VWA8: variants seen among roughly 807,000 people sequenced by gnomAD.
VWA8 encodes von Willebrand factor A domain containing 8.
A neutral mutation model predicts 241.5 loss-of-function variants in VWA8; 221 were observed. The ratio of observed to expected loss-of-function variants is 0.91; its 90% CI spans 0.82 to 1.02. VWA8 has a LOEUF of 1.02. Ranked by LOEUF, VWA8 falls within the 50% of genes least tolerant of loss-of-function variation. VWA8 has a pLI of 0.00. For synonymous variants in VWA8, 852 were observed against 827.1 expected (o/e 1.03, Z -0.52); for missense variants, 2,322 against 2,328.7 (o/e 1.00, Z 0.06).
intron 12 of VWA8, among the ~76,000 whole-genome samples, chr13:41,839,636 T>G (rs563135166): frequency 1.5e-4 from 23 of 152,224 alleles, no homozygotes; most frequent in African/African-American, 5.1e-4. Context: ...CTAGCACCAT[T>G]TATTAAATAG....
intron 35 of VWA8, among the ~76,000 whole-genome samples, chr13:41,679,422 TA>T (rs1045714177): frequency 2.0e-5 from 3 of 152,212 alleles, no homozygotes; most frequent in African/African-American, 7.2e-5. Context: ...TGTTCACAGA[TA>T]AAAAGAGTGA....
intron 37 of VWA8, among the ~76,000 whole-genome samples, chr13:41,657,404 A>G (rs993843530): frequency 6.6e-6 from 1 of 151,982 alleles, no homozygotes; most frequent in African/African-American, 2.4e-5. Context: ...ATCATTTTAC[A>G]TACTTTTTGA....
At chr13:41,726,285 C>T (rs112083767) in intron 24 of VWA8, among the ~76,000 whole-genome samples, 1 of 152,112 alleles carries the variant, frequency 6.6e-6, no homozygotes, top group Non-Finnish European at 1.5e-5. Flanking sequence ...TGCTATAGTG[C>T]CTATCCTTGT....
In VWA8 at chr13:41,611,691, A is replaced by G. The variant is rs779768418; in HGVS notation, c.4762T>C (p.Tyr1588His). The G allele has an allele frequency of 5.0e-6, 8 of 1,613,960 alleles. No individual in the cohort carries two copies. The highest frequency in any genetic ancestry group is 2.2e-5 in the East Asian group (1 of 44,888). The change falls in exon 39 of 45, where the codon TAC becomes CAC. Residue 1588 changes from tyrosine (Y) to histidine (H), a missense_variant. Physicochemically the swap from Tyr to His is moderately conservative, Grantham distance 83 (BLOSUM62 2). Coordinates refer to ENST00000379310, the MANE Select transcript of VWA8 (RefSeq NM_015058.2). ...TAGLGGKGGP[Y>H]RLDAGHTVYQ... ...ACCGTATGGCCTGCATCCAGCCGGTAAGGGCCTCCTTTGCCACCCAGGCCT... is the reference window on the plus strand; with the variant it reads ...ACCGTATGGCCTGCATCCAGCCGGTGAGGGCCTCCTTTGCCACCCAGGCCT...
At chr13:41,624,044 C>G (rs2044673686) in intron 37 of VWA8, among the ~76,000 whole-genome samples, 1 of 152,166 alleles carries the variant, frequency 6.6e-6, no homozygotes, top group Non-Finnish European at 1.5e-5. Flanking sequence ...TTATGAACAC[C>G]TCTCTGCACA....
In VWA8 at chr13:41,568,249, A is replaced by ATATCCTTGG. The variant is rs777413881; in HGVS notation, c.5657_5665dup (p.Thr1886_Asp1888dup). 10 of 1,614,102 alleles carry ATATCCTTGG rather than the reference A, an allele frequency of 6.2e-6. No homozygotes were observed. The East Asian group carries it at 1.8e-4, about 29-fold the overall frequency. ...GAAGATCTGTTGTAAAATCTGAGGG[A>ATATCCTTGG]TATCCTTGGTATCCATGGCAACGAA... On this transcript the variant is annotated inframe_insertion, in exon 45 of 45. Transcript: ENST00000379310.
intron 9 of VWA8, among the ~76,000 whole-genome samples, chr13:41,882,096 C>T (rs1297119879): frequency 6.8e-6 from 1 of 147,312 alleles, no homozygotes; most frequent in Non-Finnish European, 1.5e-5. Flanking sequence ...ACGGGGCGGC[C>T]GGGCAGAGAC....
At chr13:41,884,313 G>A (rs146456499) in intron 8 of VWA8, among the ~76,000 whole-genome samples, 2,736 of 152,204 alleles carry the variant, frequency 0.018, 87 homozygotes, top group African/African-American at 0.06. Context: ...CATGAGATCT[G>A]ATGGCTTTAT....
At chr13:41,859,134 A>G (rs1872893205) in intron 12 of VWA8, among the ~76,000 whole-genome samples, 2 of 151,938 alleles carry the variant, frequency 1.3e-5, no homozygotes, top group Non-Finnish European at 2.9e-5. Context: ...TCCAAGGTCC[A>G]ACGTTGCATA....
intron 13 of VWA8, among the ~76,000 whole-genome samples, chr13:41,832,717 G>A (rs1237257931): frequency 6.6e-6 from 1 of 152,028 alleles, no homozygotes; most frequent in African/African-American, 2.4e-5. Flanking sequence ...AATGATACAA[G>A]ATGGGAATAT....
rs111272179 is a variant in VWA8 at position 41,844,895 on chromosome 13, C to T, written c.1426-11364G>A. ...TATAAAACACTGCTGAAAAAAATCA[C>T]GGATGACAAAAACTAACGGAAAAAC... On this transcript the variant is annotated intron_variant, in intron 12 of 44. Transcript: ENST00000379310. 3.7e-3 allele frequency among the ~76,000 whole-genome samples: 556 copies of T among 151,758 alleles called. 3 individuals are homozygous for T. Among genetic ancestry groups the T allele is most frequent in the African/African-American group, 0.013 (528 of 41,382 alleles).
At chr13:41,883,640 A>G in intron 8 of VWA8, 149 bp from the exon 9 acceptor site, 2 of 586,528 alleles carry the variant, frequency 3.4e-6, no homozygotes, top group Non-Finnish European at 5.9e-6. Context: ...GCAAATATTC[A>G]TTATTTTCTC....
chr13:41,839,520 T>C (rs1246738032), intron 12 of VWA8, among the ~76,000 whole-genome samples: 1 of 152,218 alleles, frequency 6.6e-6, no homozygotes. Flanking sequence ...AATTTTGGCT[T>C]TTGTTGCCAT....
At chr13:41,827,637 G>T (rs1047650861) in intron 14 of VWA8, among the ~76,000 whole-genome samples, 4 of 152,148 alleles carry the variant, frequency 2.6e-5, no homozygotes, top group African/African-American at 4.8e-5. Context: ...GTGAAGGAAA[G>T]AAAGCATTGC....
At chr13:41,572,156 G>C (rs530485364) in intron 43 of VWA8, among the ~76,000 whole-genome samples, 2 of 151,596 alleles carry the variant, frequency 1.3e-5, no homozygotes, top group African/African-American at 4.9e-5. Flanking sequence ...CCTGGCAGCC[G>C]CCCCGTCCGG....
At chr13:41,938,565 C>T (rs1298060129) in intron 2 of VWA8, among the ~76,000 whole-genome samples, 2 of 151,732 alleles carry the variant, frequency 1.3e-5, no homozygotes, top group Non-Finnish European at 2.9e-5. Context: ...GCAGGAGGAT[C>T]GCTTGAACCC....
chr13:41,794,779 A>C (rs1448141424), intron 17 of VWA8, among the ~76,000 whole-genome samples: 1 of 152,156 alleles, frequency 6.6e-6, no homozygotes, highest in African/African-American at 2.4e-5. Flanking sequence ...CCCCATCCTT[A>C]TGCCTTATAC....
chr13:41,723,019 G>A (rs1262303406), intron 24 of VWA8, among the ~76,000 whole-genome samples: 2 of 152,148 alleles, frequency 1.3e-5, no homozygotes, highest in African/African-American at 2.4e-5. Flanking sequence ...CAGAGGCGTG[G>A]ACTACTGTGC....
intron 21 of VWA8, among the ~76,000 whole-genome samples, chr13:41,742,551 T>C (rs1489042117): frequency 7.9e-5 from 12 of 152,174 alleles, no homozygotes. Flanking sequence ...AACAATGAGC[T>C]AAAGGTGAAA....
Sources: allele counts gnomAD v4.1 joint callset (sites outside exome capture counted in the v4.1 genomes callset), GRCh38; gene constraint gnomAD v4.1.1; transcripts MANE v1.5; gene names NCBI Gene and HGNC (gene_info 2026-07-23, HGNC 2026-07-21).